MAF: variants seen among roughly 807,000 people sequenced by gnomAD.
MAF encodes the protein transcription factor Maf.
Under a neutral mutation model 22.0 loss-of-function variants are expected in MAF, and 10 were observed. That is an observed-to-expected ratio of 0.45 (90% CI 0.28 to 0.77). The LOEUF (loss-of-function observed/expected upper bound fraction) is 0.77. Among genes scored for constraint, MAF ranks in the 30% least tolerant of loss-of-function variants. The pLI is 0.12. For synonymous variants in MAF, 337 were observed against 255.8 expected (o/e 1.32, Z -3.03); for missense variants, 544 against 548.4 (o/e 0.99, Z 0.08).
the MAF span, among the ~76,000 whole-genome samples, chr16:79,354,381 T>C: frequency 2.8e-4 from 42 of 152,028 alleles, no homozygotes; most frequent in Non-Finnish European, 2.8e-4. Flanking sequence ...AGAAACCTAG[T>C]TCCTGGAATG....
chr16:79,249,668 T>A, the MAF span, among the ~76,000 whole-genome samples: 1 of 152,188 alleles, frequency 6.6e-6, no homozygotes, highest in Non-Finnish European at 1.5e-5. Context: ...CCTCTTTAGA[T>A]AATTAAATCT....
the MAF span, among the ~76,000 whole-genome samples, chr16:79,277,379 T>C: frequency 2.6e-5 from 4 of 152,236 alleles, no homozygotes; most frequent in Non-Finnish European, 5.9e-5. Flanking sequence ...GCTATGACTT[T>C]GTTACAGGAC....
chr16:79,450,637 G>C, the MAF span, among the ~76,000 whole-genome samples: 1 of 152,182 alleles, frequency 6.6e-6, no homozygotes, highest in African/African-American at 2.4e-5. Context: ...AGAAAATGTG[G>C]TTTTTATAAG....
At chr16:79,263,753 T>C in the MAF span, among the ~76,000 whole-genome samples, 1 of 152,244 alleles carries the variant, frequency 6.6e-6, no homozygotes, top group African/African-American at 2.4e-5. Flanking sequence ...TGAGAGTTCA[T>C]TGCCAGTCAA....
chr16:79,214,508 C>T, the MAF span, among the ~76,000 whole-genome samples: 531 of 152,168 alleles, frequency 3.5e-3, 3 homozygotes, highest in African/African-American at 0.012. Context: ...CAGGTTCACG[C>T]GATTCTCCTG....
chr16:79,444,072 T>C, the MAF span, among the ~76,000 whole-genome samples: 5 of 152,198 alleles, frequency 3.3e-5, no homozygotes, highest in African/African-American at 9.7e-5. Flanking sequence ...ACCATCATTT[T>C]TGAAAGATAG....
chr16:79,562,837 C>T, the MAF span, among the ~76,000 whole-genome samples: 180 of 152,338 alleles, frequency 1.2e-3, no homozygotes, highest in African/African-American at 4.1e-3. Flanking sequence ...ATGAGACCGT[C>T]ATACTTGCCT....
chr16:79,463,767 T>A, the MAF span, among the ~76,000 whole-genome samples: 43 of 152,156 alleles, frequency 2.8e-4, no homozygotes, highest in East Asian at 5.8e-4. Context: ...TATAACATTT[T>A]AAAAAAACAT....
the MAF span, among the ~76,000 whole-genome samples, chr16:79,408,089 A>AAAAC: frequency 1.3e-5 from 2 of 149,226 alleles, no homozygotes. Flanking sequence ...AAAAAAAAAA[A>AAAAC]AAAAAAAAAA....
chr16:79,479,648 C>A, the MAF span, among the ~76,000 whole-genome samples: 1 of 152,212 alleles, frequency 6.6e-6, no homozygotes, highest in Non-Finnish European at 1.5e-5. Context: ...TTATGCGGAT[C>A]ACAGTACTGA....
At chr16:79,474,553 G>C in the MAF span, among the ~76,000 whole-genome samples, 1 of 152,182 alleles carries the variant, frequency 6.6e-6, no homozygotes, top group African/African-American at 2.4e-5. Flanking sequence ...ATAAAAGGCT[G>C]ATAAGGTTGG....
chr16:79,284,629 G>C, the MAF span, among the ~76,000 whole-genome samples: 1 of 152,176 alleles, frequency 6.6e-6, no homozygotes. Flanking sequence ...AATAATGTTA[G>C]TCATAAAACA....
At chr16:79,334,024 G>A in the MAF span, among the ~76,000 whole-genome samples, 1 of 152,218 alleles carries the variant, frequency 6.6e-6, no homozygotes, top group Non-Finnish European at 1.5e-5. Context: ...CTGTCTGAAT[G>A]ACTTATTCCT....
chr16:79,261,028 G>A, the MAF span, among the ~76,000 whole-genome samples: 1 of 152,176 alleles, frequency 6.6e-6, no homozygotes, highest in African/African-American at 2.4e-5. Flanking sequence ...GAGGAAATGA[G>A]GCTTGAGATG....
At chr16:79,422,297 C>T in the MAF span, among the ~76,000 whole-genome samples, 3,275 of 152,248 alleles carry the variant, frequency 0.022, 46 homozygotes, top group South Asian at 0.055. Context: ...TAGTCAATGA[C>T]GTCAAAGTGA....
At chr16:79,587,878 G>C (rs1256528147) in intron 1 of MAF, among the ~76,000 whole-genome samples, 3 of 148,526 alleles carry the variant, frequency 2.0e-5, no homozygotes, top group South Asian at 2.2e-4. Flanking sequence ...AAGGGGGGGG[G>C]GGGTAGATAC....
chr16:79,418,853 G>C, the MAF span, among the ~76,000 whole-genome samples: 58 of 152,134 alleles, frequency 3.8e-4, no homozygotes, highest in Non-Finnish European at 7.2e-4. Flanking sequence ...TGGAGCTGCA[G>C]GCCCCAACAC....
the MAF span, among the ~76,000 whole-genome samples, chr16:79,427,671 C>T: frequency 6.6e-6 from 1 of 152,068 alleles, no homozygotes; most frequent in Admixed American, 6.6e-5. Context: ...TCTGCCTCTC[C>T]TTTAAGGATC....
the MAF span, among the ~76,000 whole-genome samples, chr16:79,353,558 T>G: frequency 6.6e-6 from 1 of 152,112 alleles, no homozygotes; most frequent in African/African-American, 2.4e-5. Context: ...GAGTCGCCGG[T>G]AGGGAGGAGC....
Sources: allele counts gnomAD v4.1 joint callset (sites outside exome capture counted in the v4.1 genomes callset), GRCh38; gene constraint gnomAD v4.1.1; transcripts MANE v1.5; gene names NCBI Gene and HGNC (gene_info 2026-07-23, HGNC 2026-07-21).